Variants in RAB11FIP4 observed in about 807,000 individuals in gnomAD.
RAB11FIP4 encodes the protein RAB11 family interacting protein 4.
RAB11FIP4 carries 23 observed loss-of-function variants against 74.3 expected under a neutral mutation model. The ratio of observed to expected loss-of-function variants is 0.31; its 90% CI spans 0.22 to 0.44. The LOEUF (loss-of-function observed/expected upper bound fraction) is 0.44. Ranked by LOEUF, RAB11FIP4 falls within the 20% of genes least tolerant of loss-of-function variation. The pLI is 1.00. For missense variants in RAB11FIP4, 630 were observed against 863.9 expected, an observed-to-expected ratio of 0.73 and a Z score of 3.39; for synonymous variants, 360 against 359.9, an observed-to-expected ratio of 1.00 and a Z score of 0.00.
intron 3 of RAB11FIP4, among the ~76,000 whole-genome samples, chr17:31,489,329 C>T (rs1245007605): frequency 1.3e-5 from 2 of 152,144 alleles, no homozygotes; most frequent in Non-Finnish European, 2.9e-5. Flanking sequence ...AAGGTGGTTA[C>T]AGTGGTTGCT....
chr17:31,402,808 G>T (rs1007104820), intron 1 of RAB11FIP4, among the ~76,000 whole-genome samples: 2 of 151,276 alleles, frequency 1.3e-5, no homozygotes, highest in Non-Finnish European at 2.9e-5. Context: ...TGTATTTTTA[G>T]TAGAGACGGG....
At chr17:31,458,193 C>A (rs185727463) in intron 3 of RAB11FIP4, among the ~76,000 whole-genome samples, 300 of 152,288 alleles carry the variant, frequency 2.0e-3, no homozygotes, top group African/African-American at 6.9e-3. Context: ...CCTCAGAATG[C>A]GGGCTGAGTC....
In RAB11FIP4 at chr17:31,491,199, C is replaced by T. The variant is rs532671605; in HGVS notation, c.337-26452C>T. The stretch of plus-strand genomic sequence containing the variant: ...TGAATGGTACCACAGTCTCCCTCAC[C>T]AGGAGGCGTTTCAGGACACGGAGGC... On this transcript the variant is annotated intron_variant, in intron 3 of 14. Transcript: ENST00000621161. Among the ~76,000 whole-genome samples the T allele has an allele frequency of 5.9e-5, 9 of 152,340 alleles. No homozygotes were observed. The South Asian group carries it at 1.9e-3, about 32-fold the overall frequency.
At position 31,445,578 on chromosome 17, in the gene RAB11FIP4, A is replaced by ATT. The variant is rs61393689; in HGVS notation, c.336+11480_336+11481dup. 1.8e-3 allele frequency among the ~76,000 whole-genome samples: 30 copies of ATT among 16,288 alleles called. 1 individual carries two copies. Among genetic ancestry groups the ATT allele is most frequent in the African/African-American group, 2.1e-3 (9 of 4,332 alleles). 10.7% of individuals were successfully genotyped at this position (16,288 alleles called of 152,430 possible). ...TATATATATATATATATATATATAT[A>ATT]TTTTTTTTTTTTTTTTTTTTTTTTT... On this transcript the variant is annotated intron_variant, in intron 3 of 14. Transcript: ENST00000621161.
intron 3 of RAB11FIP4, chr17:31,488,502 C>A: frequency 2.9e-6 from 1 of 347,016 alleles, no homozygotes; most frequent in Non-Finnish European, 4.3e-6. Flanking sequence ...GAAGGGGGCT[C>A]GTCTGCTGGG....
chr17:31,480,661 G>T (rs896611190), intron 3 of RAB11FIP4, among the ~76,000 whole-genome samples: 1 of 151,834 alleles, frequency 6.6e-6, no homozygotes, highest in Non-Finnish European at 1.5e-5. Flanking sequence ...GGTGGCACGT[G>T]CCTGTGATCC....
At position 31,391,876 on chromosome 17, in the gene RAB11FIP4, G is replaced by A. The variant is rs1250906019; in HGVS notation, c.24G>A (p.Ser8=). ...GGATGGCGGGCGGCGCGGGCTGGTC[G>A]GGCGCCCCCGCGGCTCTGCTGCGCT... MAGGAGW[S]GAPAALLRSV... is the part of the protein sequence containing the mutation. The change falls in exon 1 of 15, where the codon TCG becomes TCA. Residue 8 remains serine, a synonymous_variant. Coordinates refer to ENST00000621161, the MANE Select transcript of RAB11FIP4 (RefSeq NM_032932.6). The A allele has an allele frequency of 4.2e-6, 5 of 1,181,486 alleles. No homozygotes were observed. The Admixed American group carries it at 1.9e-4, about 44-fold the overall frequency. The allele number at this position is 1,181,486 out of a possible 1,614,324, so 73.2% of individuals were successfully genotyped here.
chr17:31,498,731 G>T (rs1344403294), intron 3 of RAB11FIP4, among the ~76,000 whole-genome samples: 1 of 152,180 alleles, frequency 6.6e-6, no homozygotes, highest in Non-Finnish European at 1.5e-5. Context: ...CCTCTCTCTG[G>T]AAAGTTCCAT....
At chr17:31,462,137 C>A (rs2071639866) in intron 3 of RAB11FIP4, among the ~76,000 whole-genome samples, 1 of 151,960 alleles carries the variant, frequency 6.6e-6, no homozygotes, top group South Asian at 2.1e-4. Flanking sequence ...GTGGCAGGTG[C>A]CTGCTGTAGT....
intron 3 of RAB11FIP4, among the ~76,000 whole-genome samples, chr17:31,484,685 C>T (rs2071884129): frequency 6.6e-6 from 1 of 152,042 alleles, no homozygotes; most frequent in Non-Finnish European, 1.5e-5. Context: ...GTTAGCCCTT[C>T]CCTCAAAAGT....
At chr17:31,452,358 G>A (rs1320917968) in intron 3 of RAB11FIP4, among the ~76,000 whole-genome samples, 2 of 152,154 alleles carry the variant, frequency 1.3e-5, no homozygotes, top group African/African-American at 2.4e-5. Context: ...AGGAGTCTCC[G>A]AGGACCAGCT....
chr17:31,448,412 G>GTTTTTTTTTTTTTTTTTTT (rs2071491257), intron 3 of RAB11FIP4: 1 of 99,040 alleles, frequency 1.0e-5, no homozygotes, highest in Non-Finnish European at 2.0e-5. Context: ...TTTTTTTTTT[G>GTTTTTTTTTTTTTTTTTTT]GCAGAGACCG....
chr17:31,427,189 G>A (rs1321932699), intron 1 of RAB11FIP4, among the ~76,000 whole-genome samples: 1 of 152,142 alleles, frequency 6.6e-6, no homozygotes, highest in African/African-American at 2.4e-5. Flanking sequence ...TCGAACTCCT[G>A]ACCTCAGGTG....
At chr17:31,409,924 TG>T (rs553989587) in intron 1 of RAB11FIP4, among the ~76,000 whole-genome samples, 31 of 152,180 alleles carry the variant, frequency 2.0e-4, no homozygotes, top group African/African-American at 7.5e-4. Flanking sequence ...CTAGATGGTT[TG>T]GGAGGCAGGA....
At chr17:31,516,120 G>A (rs1042136185) in intron 3 of RAB11FIP4, among the ~76,000 whole-genome samples, 11 of 152,104 alleles carry the variant, frequency 7.2e-5, no homozygotes, top group African/African-American at 2.7e-4. Context: ...TCAGCACAGT[G>A]ATCCTGTAAG....
chr17:31,443,212 C>T (rs972635488), intron 3 of RAB11FIP4, among the ~76,000 whole-genome samples: 2 of 152,102 alleles, frequency 1.3e-5, no homozygotes, highest in African/African-American at 4.8e-5. Context: ...AATTGCCTGT[C>T]GACATTCTCC....
chr17:31,537,297 A>G lies in RAB11FIP4; in HGVS notation c.*5565A>G. ...CCAGCTCTCCCGGGCACATTCGTCC[A>G]CAAGGATCAGGCCCCACTTACCCTT... On this transcript the variant is annotated 3_prime_UTR_variant, in exon 15 of 15. Transcript: ENST00000621161. 1 of 398,586 alleles carries G rather than the reference A, an allele frequency of 2.5e-6. No individual in the cohort carries two copies. The highest frequency in any genetic ancestry group is 4.4e-5 in the Admixed American group (1 of 22,734). 24.7% of individuals were successfully genotyped at this position (398,586 alleles called of 1,614,324 possible). A position where few individuals can be genotyped will look rare whatever the true frequency, so the allele number is the denominator to read the frequency against.
At chr17:31,408,850 T>A (rs2071066400) in intron 1 of RAB11FIP4, among the ~76,000 whole-genome samples, 1 of 152,018 alleles carries the variant, frequency 6.6e-6, no homozygotes, top group African/African-American at 2.4e-5. Flanking sequence ...AAGTGGTGAA[T>A]CCTGAAGAGG....
At chr17:31,439,367 C>T (rs2071388045) in intron 3 of RAB11FIP4, among the ~76,000 whole-genome samples, 1 of 152,248 alleles carries the variant, frequency 6.6e-6, no homozygotes, top group South Asian at 2.1e-4. Context: ...ATGGCCTTCG[C>T]CAACCCCGGA....
Sources: allele counts gnomAD v4.1 joint callset (sites outside exome capture counted in the v4.1 genomes callset), GRCh38; gene constraint gnomAD v4.1.1; transcripts MANE v1.5; gene names NCBI Gene and HGNC (gene_info 2026-07-23, HGNC 2026-07-21).